CHCHD3: variants seen among roughly 807,000 people sequenced by gnomAD.
CHCHD3 encodes the protein MICOS complex subunit MIC19.
Under a neutral mutation model 38.2 loss-of-function variants are expected in CHCHD3, and 20 were observed. The observed-to-expected ratio is 0.52, with a 90% CI of 0.37 to 0.76. The LOEUF (loss-of-function observed/expected upper bound fraction) is 0.76, where lower values mean the gene tolerates loss of function less well. CHCHD3 is among the 30% of genes least tolerant of loss of function. The pLI, the probability that CHCHD3 is intolerant of heterozygous loss-of-function variation, is 0.00. For missense variants in CHCHD3, 245 were observed against 279.2 expected (o/e 0.88, Z 0.87); for synonymous variants, 82 against 100.0 (o/e 0.82, Z 1.07).
chr7:132,925,691 A>C (rs1477968073), intron 4 of CHCHD3, among the ~76,000 whole-genome samples: 1 of 152,194 alleles, frequency 6.6e-6, no homozygotes, highest in Non-Finnish European at 1.5e-5. Flanking sequence ...CCCCAGCTAT[A>C]ACACAAGTAT....
chr7:133,004,301 G>C (rs1172309051), intron 3 of CHCHD3, among the ~76,000 whole-genome samples: 1 of 152,110 alleles, frequency 6.6e-6, no homozygotes, highest in Non-Finnish European at 1.5e-5. Flanking sequence ...GTGTACCTGG[G>C]TAAGAATTAC....
chr7:132,904,670 G>A (rs144141098), intron 4 of CHCHD3, among the ~76,000 whole-genome samples: 111 of 152,302 alleles, frequency 7.3e-4, no homozygotes, highest in Middle Eastern at 3.4e-3. Flanking sequence ...AACCACTGTG[G>A]AAGGCAGTGT....
At chr7:132,846,409 T>C (rs1354880222) in intron 5 of CHCHD3, among the ~76,000 whole-genome samples, 3 of 152,260 alleles carry the variant, frequency 2.0e-5, no homozygotes, top group African/African-American at 7.2e-5. Flanking sequence ...ATTGGTAACC[T>C]GCAGAATCAG....
intron 2 of CHCHD3, among the ~76,000 whole-genome samples, chr7:133,069,318 G>A (rs944418006): frequency 3.5e-5 from 5 of 144,342 alleles, no homozygotes; most frequent in African/African-American, 1.2e-4. Context: ...GCGGGGCGGG[G>A]GGGGTCACAA....
chr7:132,848,720 C>CTGT (rs1276543256), intron 5 of CHCHD3, among the ~76,000 whole-genome samples: 1 of 152,072 alleles, frequency 6.6e-6, no homozygotes. Context: ...ACTCTGAAGT[C>CTGT]TGTTATAGGT....
At chr7:132,947,267 C>T (rs192922204) in intron 4 of CHCHD3, among the ~76,000 whole-genome samples, 3 of 151,936 alleles carry the variant, frequency 2.0e-5, no homozygotes, top group African/African-American at 7.2e-5. Context: ...GTAGAAATAA[C>T]CAGAAACAGG....
intron 1 of CHCHD3, among the ~76,000 whole-genome samples, chr7:133,071,117 C>T (rs1814808612): frequency 1.3e-5 from 2 of 152,300 alleles, no homozygotes; most frequent in Middle Eastern, 3.4e-3. Context: ...TGAGAGTCAT[C>T]ATTCCCACAG....
At chr7:133,072,597 T>C (rs1196456729) in intron 1 of CHCHD3, among the ~76,000 whole-genome samples, 1 of 151,990 alleles carries the variant, frequency 6.6e-6, no homozygotes, top group Non-Finnish European at 1.5e-5. Context: ...CCCTGCACTT[T>C]AGGAGGCCGA....
intron 2 of CHCHD3, among the ~76,000 whole-genome samples, chr7:133,036,586 T>C (rs2117472256): frequency 6.6e-6 from 1 of 152,296 alleles, no homozygotes; most frequent in South Asian, 2.1e-4. Flanking sequence ...ATGAAAAGTA[T>C]TCATGGCAAA....
At chr7:132,949,200 AT>A (rs1197161558) in intron 4 of CHCHD3, among the ~76,000 whole-genome samples, 6 of 152,122 alleles carry the variant, frequency 3.9e-5, no homozygotes, top group Non-Finnish European at 8.8e-5. Context: ...CATGGCTCAT[AT>A]CATCCTAGGG....
intron 2 of CHCHD3, among the ~76,000 whole-genome samples, chr7:133,042,484 C>A (rs946068073): frequency 6.8e-4 from 104 of 152,328 alleles, no homozygotes; most frequent in Non-Finnish European, 3.7e-4. Context: ...ATGTAGGGAG[C>A]TTGGCATCCC....
chr7:132,943,102 C>T (rs1027454488), intron 4 of CHCHD3, among the ~76,000 whole-genome samples: 4 of 152,076 alleles, frequency 2.6e-5, no homozygotes, highest in East Asian at 1.9e-4. Context: ...AATAAACTAC[C>T]TACTATATCT....
intron 4 of CHCHD3, among the ~76,000 whole-genome samples, chr7:132,963,435 T>C (rs1811374651): frequency 7.3e-6 from 1 of 137,928 alleles, no homozygotes; most frequent in African/African-American, 2.7e-5. Context: ...ATCGAGACCA[T>C]CCTGGCTAAC....
chr7:132,859,789 A>T (rs1751968962), intron 5 of CHCHD3, among the ~76,000 whole-genome samples: 1 of 151,734 alleles, frequency 6.6e-6, no homozygotes. Flanking sequence ...TTCAAGGTCC[A>T]CTTTTCTCCT....
intron 4 of CHCHD3, among the ~76,000 whole-genome samples, chr7:132,919,100 CTTTTTTTT>C (rs5887600): frequency 1.7e-4 from 12 of 69,502 alleles, no homozygotes; most frequent in South Asian, 6.9e-4. Flanking sequence ...TGGGTTTATT[CTTTTTTTT>C]TTTTTTTTTT....
chr7:132,844,931 A>C (rs966117359), intron 5 of CHCHD3: 6 of 152,252 alleles, frequency 3.9e-5, no homozygotes, highest in African/African-American at 1.4e-4. Context: ...GGCACCATGG[A>C]TCAATTACTG....
chr7:132,867,201 C>A (rs1232337557), intron 5 of CHCHD3, among the ~76,000 whole-genome samples: 4 of 152,102 alleles, frequency 2.6e-5, no homozygotes, highest in African/African-American at 9.7e-5. Flanking sequence ...TGGAGCTTGC[C>A]ACATAGTAGG....
intron 3 of CHCHD3, among the ~76,000 whole-genome samples, chr7:132,993,889 G>A (rs943148712): frequency 6.6e-6 from 1 of 152,160 alleles, no homozygotes; most frequent in African/African-American, 2.4e-5. Flanking sequence ...AGCAACTAGT[G>A]GCGAGACTGA....
chr7:133,045,135 C>T (rs1239686644), intron 2 of CHCHD3, among the ~76,000 whole-genome samples: 1 of 152,118 alleles, frequency 6.6e-6, no homozygotes, highest in South Asian at 2.1e-4. Context: ...TGATTCCCCA[C>T]CTAAGAGAGG....
Sources: gnomAD v4.1 joint callset for allele counts (sites outside exome capture counted in the v4.1 genomes callset) on GRCh38, gnomAD v4.1.1 for gene constraint, MANE v1.5 for transcripts, NCBI Gene and HGNC (gene_info 2026-07-23, HGNC 2026-07-21) for gene names.